Variants in CCDC91 observed in about 807,000 individuals in gnomAD.
The protein encoded by CCDC91 is coiled-coil domain-containing protein 91.
Under a neutral mutation model 63.2 loss-of-function variants are expected in CCDC91, and 48 were observed. That is an observed-to-expected ratio of 0.76 (90% CI 0.60 to 0.97). The LOEUF is 0.97. Among genes scored for constraint, CCDC91 ranks in the 50% least tolerant of loss-of-function variants. CCDC91 has a pLI of 0.00. For missense variants in CCDC91, 500 were observed against 494.6 expected, an observed-to-expected ratio of 1.01 and a Z score of -0.10; for synonymous variants, 167 against 165.8, an observed-to-expected ratio of 1.01 and a Z score of -0.06.
chr12:28,438,814 A>G (rs1178113239), intron 8 of CCDC91, among the ~76,000 whole-genome samples: 2 of 152,164 alleles, frequency 1.3e-5, no homozygotes, highest in Non-Finnish European at 2.9e-5. Flanking sequence ...GCATAACCCC[A>G]TCTTAAGTTG....
chr12:28,310,616 A>C (rs1373823473), intron 6 of CCDC91, among the ~76,000 whole-genome samples: 4 of 152,082 alleles, frequency 2.6e-5, no homozygotes. Flanking sequence ...AGGAGGTCTC[A>C]TAGCCAAATC....
chr12:28,497,682 G>T (rs967212570), intron 12 of CCDC91, among the ~76,000 whole-genome samples: 1 of 151,438 alleles, frequency 6.6e-6, no homozygotes, highest in Admixed American at 6.6e-5. Context: ...TTTCACTATG[G>T]TTTTTTATTA....
At chr12:28,443,235 A>G (rs1592689837) in intron 8 of CCDC91, among the ~76,000 whole-genome samples, 2 of 149,172 alleles carry the variant, frequency 1.3e-5, no homozygotes. Context: ...AAGGAGTCCT[A>G]GGCAAAAAAA....
chr12:28,305,198 T>C (rs554837599), intron 3 of CCDC91, among the ~76,000 whole-genome samples: 1 of 152,104 alleles, frequency 6.6e-6, no homozygotes, highest in Non-Finnish European at 1.5e-5. Context: ...AGTACATGGG[T>C]GCATCTGTAT....
At chr12:28,333,012 T>A (rs1399569716) in intron 6 of CCDC91, among the ~76,000 whole-genome samples, 1 of 152,046 alleles carries the variant, frequency 6.6e-6, no homozygotes, top group East Asian at 1.9e-4. Context: ...TGATACTTGT[T>A]TATAGTATGA....
intron 7 of CCDC91, among the ~76,000 whole-genome samples, chr12:28,365,391 A>G (rs1377180093): frequency 6.6e-6 from 1 of 152,226 alleles, no homozygotes; most frequent in Non-Finnish European, 1.5e-5. Context: ...TAAAAACATC[A>G]AAAGCAACCT....
At chr12:28,202,551 A>G (rs929867597) in intron 1 of CCDC91, among the ~76,000 whole-genome samples, 1 of 152,146 alleles carries the variant, frequency 6.6e-6, no homozygotes, top group African/African-American at 2.4e-5. Context: ...TTGGACAGTT[A>G]TTTCCCTAAT....
At chr12:28,335,555 A>G (rs898369810) in intron 6 of CCDC91, among the ~76,000 whole-genome samples, 1 of 151,068 alleles carries the variant, frequency 6.6e-6, no homozygotes, top group South Asian at 2.1e-4. Context: ...CTACAGGTGC[A>G]TGCCACCGTG....
At chr12:28,525,664 T>C (rs896316026) in intron 12 of CCDC91, among the ~76,000 whole-genome samples, 17 of 152,122 alleles carry the variant, frequency 1.1e-4, no homozygotes, top group African/African-American at 4.1e-4. Flanking sequence ...GTTGGCTTTC[T>C]GTCTTGATGA....
intron 2 of CCDC91, 99 bp downstream of exon 2, chr12:28,257,344 A>T: frequency 1.4e-6 from 1 of 710,624 alleles, no homozygotes; most frequent in East Asian, 2.8e-5. Flanking sequence ...CATTCATGAT[A>T]TTTCCTTGAT....
At chr12:28,422,137 T>C (rs1948052609) in intron 8 of CCDC91, among the ~76,000 whole-genome samples, 1 of 152,172 alleles carries the variant, frequency 6.6e-6, no homozygotes, top group Non-Finnish European at 1.5e-5. Context: ...TTGATTTATT[T>C]ATACATTTAG....
chr12:28,322,918 A>C (rs1043820543), intron 6 of CCDC91, among the ~76,000 whole-genome samples: 5 of 151,264 alleles, frequency 3.3e-5, no homozygotes, highest in Non-Finnish European at 7.4e-5. Context: ...TTTAATTTTT[A>C]TTTCCTTATT....
chr12:28,311,727 C>T (rs1471154748), intron 6 of CCDC91, among the ~76,000 whole-genome samples: 1 of 151,188 alleles, frequency 6.6e-6, no homozygotes, highest in Non-Finnish European at 1.5e-5. Flanking sequence ...AATTTTTTTT[C>T]CATGGTATTT....
At chr12:28,507,284 C>T (rs1938846286) in intron 12 of CCDC91, among the ~76,000 whole-genome samples, 1 of 152,006 alleles carries the variant, frequency 6.6e-6, no homozygotes, top group Non-Finnish European at 1.5e-5. Flanking sequence ...CTCTAAACCA[C>T]ACTTTTGTAA....
At chr12:28,403,794 A>G (rs1160155977) in intron 8 of CCDC91, among the ~76,000 whole-genome samples, 1 of 152,190 alleles carries the variant, frequency 6.6e-6, no homozygotes, top group African/African-American at 2.4e-5. Flanking sequence ...AATGGAAGTT[A>G]TCAAATTTGT....
In CCDC91 at chr12:28,385,610, ATTATTGTTGC is replaced by A. The variant is rs550447877; in HGVS notation, c.655-5690_655-5681del. 1.0e-3 allele frequency among the ~76,000 whole-genome samples: 154 copies of A among 152,326 alleles called. 1 individual carries two copies. Among genetic ancestry groups the A allele is most frequent in the African/African-American group, 3.4e-3 (140 of 41,570 alleles). On this transcript the variant is annotated intron_variant, in intron 7 of 12. Transcript: ENST00000536442. ...ATTTTGTGACTTTCAATATAATTTA[ATTATTGTTGC>A]TTACAGTTAGCTATGTAGGATTCTT...
chr12:28,260,715 T>C (rs1946769366), intron 3 of CCDC91, among the ~76,000 whole-genome samples: 1 of 151,952 alleles, frequency 6.6e-6, no homozygotes, highest in African/African-American at 2.4e-5. Flanking sequence ...GGGCATAGTA[T>C]CTGGCTTATA....
chr12:28,352,860 A>C (rs1369495361), intron 6 of CCDC91, among the ~76,000 whole-genome samples: 1 of 152,208 alleles, frequency 6.6e-6, no homozygotes, highest in Non-Finnish European at 1.5e-5. Context: ...GCTTCCACTT[A>C]AAGTCACCAA....
At chr12:28,393,663 G>T (rs1946094047) in intron 8 of CCDC91, among the ~76,000 whole-genome samples, 1 of 152,192 alleles carries the variant, frequency 6.6e-6, no homozygotes, top group Non-Finnish European at 1.5e-5. Flanking sequence ...TTGCTGCAAG[G>T]CCAAATGTAG....
Sources: allele counts gnomAD v4.1 joint callset (sites outside exome capture counted in the v4.1 genomes callset), GRCh38; gene constraint gnomAD v4.1.1; transcripts MANE v1.5; gene names NCBI Gene and HGNC (gene_info 2026-07-23, HGNC 2026-07-21).